The following AHI1 variants were observed in gnomAD, a reference collection of about 807,000 sequenced individuals.
AHI1 encodes jouberin.
AHI1 carries 123 observed loss-of-function variants against 149.3 expected under a neutral mutation model. The observed-to-expected ratio is 0.82, with a 90% CI of 0.71 to 0.96. The LOEUF is 0.96. Among genes scored for constraint, AHI1 ranks in the 40% least tolerant of loss-of-function variants. The probability of loss-of-function intolerance (pLI) is 0.00; values close to 1 mark genes in which losing one functional copy is unlikely to be tolerated. For missense variants in AHI1, 1,439 were observed against 1,422.7 expected (o/e 1.01, Z -0.18); for synonymous variants, 475 against 459.8 (o/e 1.03, Z -0.42).
intron 23 of AHI1, among the ~76,000 whole-genome samples, chr6:135,378,545 G>C (rs1386583264): frequency 6.6e-6 from 1 of 152,030 alleles, no homozygotes; most frequent in Non-Finnish European, 1.5e-5. Context: ...TCCTAATAAA[G>C]CCTGCCACAT....
intron 23 of AHI1, among the ~76,000 whole-genome samples, chr6:135,391,614 C>G (rs1052029582): frequency 1.3e-5 from 2 of 152,096 alleles, no homozygotes; most frequent in Non-Finnish European, 2.9e-5. Flanking sequence ...CCCAATCTAC[C>G]TCTGCAAACT....
intron 4 of AHI1, among the ~76,000 whole-genome samples, chr6:135,491,118 AG>A (rs1795193997): frequency 6.6e-6 from 1 of 152,220 alleles, no homozygotes; most frequent in East Asian, 1.9e-4. Context: ...CTTATGCCAA[AG>A]ATCATTTTGC....
intron 25 of AHI1, 114 bp downstream of exon 25, chr6:135,323,048 T>C: frequency 8.7e-7 from 1 of 1,142,918 alleles, no homozygotes; most frequent in East Asian, 2.6e-5. Flanking sequence ...CAATACCCAT[T>C]GGTAAACATA....
At chr6:135,484,605 A>G (rs1457232047) in intron 5 of AHI1, among the ~76,000 whole-genome samples, 4 of 152,154 alleles carry the variant, frequency 2.6e-5, no homozygotes, top group Admixed American at 2.6e-4. Flanking sequence ...GGATTATAGG[A>G]TAATTATAAA....
At chr6:135,464,911 C>A (rs1239500910) in intron 7 of AHI1, among the ~76,000 whole-genome samples, 3 of 152,158 alleles carry the variant, frequency 2.0e-5, no homozygotes, top group Non-Finnish European at 4.4e-5. Flanking sequence ...GATTGCTGGC[C>A]CACAGAAACT....
At chr6:135,302,562 T>C (rs1583587408) in intron 26 of AHI1, 2 of 1,106,022 alleles carry the variant, frequency 1.8e-6, no homozygotes, top group East Asian at 1.5e-4. Flanking sequence ...ACCCAAATCC[T>C]TTTTAATGAT....
At chr6:135,358,843 G>C (rs1793403859) in intron 23 of AHI1, among the ~76,000 whole-genome samples, 3 of 152,158 alleles carry the variant, frequency 2.0e-5, no homozygotes, top group African/African-American at 7.2e-5. Context: ...GTGACACAGG[G>C]GATCTCATCT....
intron 26 of AHI1, chr6:135,301,670 A>G: frequency 1.0e-6 from 1 of 985,482 alleles, no homozygotes; most frequent in Non-Finnish European, 1.2e-6. Context: ...ATTAAAGAGC[A>G]AGGAGACTTT....
At chr6:135,299,204 C>A (rs917590425) in intron 27 of AHI1, among the ~76,000 whole-genome samples, 3 of 152,172 alleles carry the variant, frequency 2.0e-5, no homozygotes, top group African/African-American at 4.8e-5. Context: ...TCTTCTAGAT[C>A]ATGATTCTGT....
At chr6:135,471,000 T>C (rs1385911502) in intron 5 of AHI1, among the ~76,000 whole-genome samples, 3 of 152,174 alleles carry the variant, frequency 2.0e-5, no homozygotes, top group South Asian at 2.1e-4. Flanking sequence ...TCAATAACCT[T>C]GAATTTCCAT....
intron 22 of AHI1, among the ~76,000 whole-genome samples, chr6:135,398,067 T>C (rs1458974296): frequency 1.3e-5 from 2 of 149,820 alleles, no homozygotes; most frequent in South Asian, 2.1e-4. Context: ...TGTTTTTTTT[T>C]TTTTTTTTTT....
chr6:135,472,581 A>G (rs1218842835), intron 5 of AHI1, among the ~76,000 whole-genome samples: 1 of 152,186 alleles, frequency 6.6e-6, no homozygotes. Context: ...AGCTTCTCAA[A>G]CTGGCTGTAC....
At chr6:135,465,236 TTCTCCAA>T (rs1790553750) in intron 7 of AHI1, among the ~76,000 whole-genome samples, 5 of 152,170 alleles carry the variant, frequency 3.3e-5, no homozygotes, top group Non-Finnish European at 7.3e-5. Context: ...CCTTATTGTT[TTCTCCAA>T]ATAGAAAACA....
intron 22 of AHI1, among the ~76,000 whole-genome samples, chr6:135,401,273 T>C (rs1421284443): frequency 6.6e-6 from 1 of 152,204 alleles, no homozygotes; most frequent in African/African-American, 2.4e-5. Context: ...ACATCACTTA[T>C]TATCTGAAAC....
At chr6:135,480,085 C>T (rs1793371468) in intron 5 of AHI1, among the ~76,000 whole-genome samples, 1 of 152,128 alleles carries the variant, frequency 6.6e-6, no homozygotes, top group African/African-American at 2.4e-5. Flanking sequence ...CATAAATTAC[C>T]CAGTCTCAGT....
chr6:135,390,019 TA>T (rs1562647329), intron 23 of AHI1, among the ~76,000 whole-genome samples: 3 of 151,886 alleles, frequency 2.0e-5, no homozygotes, highest in Admixed American at 6.6e-5. Context: ...GTGTTTTTTT[TA>T]TTTTATTTTT....
At chr6:135,295,279 G>A (rs1303791060) in intron 27 of AHI1, among the ~76,000 whole-genome samples, 1 of 152,194 alleles carries the variant, frequency 6.6e-6, no homozygotes. Context: ...AAGTATTGGT[G>A]AGGAAGCAGA....
chr6:135,477,667 C>G (rs936404024), intron 5 of AHI1, among the ~76,000 whole-genome samples: 20 of 152,138 alleles, frequency 1.3e-4, no homozygotes, highest in African/African-American at 4.8e-4. Flanking sequence ...CGCACTCTCT[C>G]TCTCTCTCTC....
chr6:135,425,581 C>A (rs1013791907), intron 20 of AHI1, among the ~76,000 whole-genome samples: 3 of 151,840 alleles, frequency 2.0e-5, no homozygotes, highest in African/African-American at 7.2e-5. Context: ...ATAGTATCTT[C>A]ACAAATACCT....
Sources: gnomAD v4.1 joint callset for allele counts (sites outside exome capture counted in the v4.1 genomes callset) on GRCh38, gnomAD v4.1.1 for gene constraint, MANE v1.5 for transcripts, NCBI Gene and HGNC (gene_info 2026-07-23, HGNC 2026-07-21) for gene names.